The following IRAK1BP1 variants were observed in gnomAD, a reference collection of about 807,000 sequenced individuals.
The protein encoded by IRAK1BP1 is interleukin 1 receptor associated kinase 1 binding protein 1, also known as interleukin-1 receptor-associated kinase 1-binding protein 1.
IRAK1BP1 carries 24 observed loss-of-function variants against 28.0 expected under a neutral mutation model. The observed-to-expected ratio is 0.86, with a 90% confidence interval of 0.62 to 1.20. IRAK1BP1 has a LOEUF of 1.20. Ranked by LOEUF, IRAK1BP1 falls within the 50% of genes most tolerant of loss-of-function variation. The pLI is 0.00. For synonymous variants in IRAK1BP1, 131 were observed against 116.3 expected (o/e 1.13, Z -0.81); for missense variants, 336 against 316.7 (o/e 1.06, Z -0.46).
the IRAK1BP1 span, among the ~76,000 whole-genome samples, chr6:78,954,462 C>T: frequency 4.3e-3 from 656 of 152,022 alleles, 2 homozygotes; most frequent in African/African-American, 0.014. Flanking sequence ...AGGACGTAGG[C>T]ATTATTCTTT....
chr6:78,968,140 T>C, the IRAK1BP1 span, among the ~76,000 whole-genome samples: 5 of 151,940 alleles, frequency 3.3e-5, no homozygotes, highest in Admixed American at 6.6e-5. Flanking sequence ...ATCTCAAAAA[T>C]AAAATAAAAT....
At chr6:78,957,202 T>C in the IRAK1BP1 span, 2 of 152,022 alleles carry the variant, frequency 1.3e-5, no homozygotes, top group African/African-American at 2.4e-5. Context: ...TATTAACAAT[T>C]TTCATCTAAA....
chr6:78,958,327 A>G, the IRAK1BP1 span: 4 of 530,278 alleles, frequency 7.5e-6, 1 homozygote, highest in South Asian at 1.3e-4. Flanking sequence ...AGACCTTTAG[A>G]TCTTCAGTCT....
chr6:78,883,830 T>C (rs1562080356), intron 1 of IRAK1BP1, among the ~76,000 whole-genome samples: 1 of 152,176 alleles, frequency 6.6e-6, no homozygotes, highest in Non-Finnish European at 1.5e-5. Context: ...CACCTGGGCA[T>C]GTGAATCATA....
At chr6:78,959,842 T>C in the IRAK1BP1 span, among the ~76,000 whole-genome samples, 638 of 152,298 alleles carry the variant, frequency 4.2e-3, 2 homozygotes, top group Middle Eastern at 0.01. Context: ...AAACCCACTG[T>C]AAATTCAAAA....
the IRAK1BP1 span, among the ~76,000 whole-genome samples, chr6:78,974,001 G>C: frequency 6.6e-6 from 1 of 152,130 alleles, no homozygotes; most frequent in Admixed American, 6.5e-5. Context: ...CCCAGGAATT[G>C]AACTCAGCTC....
chr6:78,892,177 A>G (rs1771686712), intron 2 of IRAK1BP1, among the ~76,000 whole-genome samples: 1 of 152,070 alleles, frequency 6.6e-6, no homozygotes, highest in Non-Finnish European at 1.5e-5. Flanking sequence ...TTTCCAGGGT[A>G]AGAACCCTGT....
chr6:78,871,797 C>T (rs1326333707), intron 1 of IRAK1BP1: 1 of 354,934 alleles, frequency 2.8e-6, no homozygotes, highest in Non-Finnish European at 5.0e-6. Flanking sequence ...CTTCTTTATT[C>T]TCTTGACAGT....
intron 4 of IRAK1BP1, among the ~76,000 whole-genome samples, chr6:78,934,461 T>C (rs1329597948): frequency 6.6e-6 from 1 of 152,206 alleles, no homozygotes; most frequent in Non-Finnish European, 1.5e-5. Context: ...ACATGTACTT[T>C]TAAAGCAATT....
downstream of IRAK1BP1, among the ~76,000 whole-genome samples, chr6:78,950,408 T>G (rs1317988012): frequency 6.6e-6 from 1 of 152,194 alleles, no homozygotes; most frequent in East Asian, 1.9e-4. Flanking sequence ...CTGGAAGAGA[T>G]TGTGTAGAAT....
chr6:78,903,373 C>A (rs1344294176), downstream of IRAK1BP1, among the ~76,000 whole-genome samples: 1 of 152,010 alleles, frequency 6.6e-6, no homozygotes, highest in Non-Finnish European at 1.5e-5. Context: ...CGCCTGTAAT[C>A]CCAGCTACTC....
intron 1 of IRAK1BP1, among the ~76,000 whole-genome samples, chr6:78,879,268 G>C (rs1344733555): frequency 1.3e-5 from 2 of 152,052 alleles, no homozygotes; most frequent in Non-Finnish European, 2.9e-5. Context: ...GTTAATGGGT[G>C]CAGCACACCA....
At position 78,899,458 on chromosome 6, in the gene IRAK1BP1, T is replaced by C. The variant is rs1376633800; in HGVS notation, c.*1124T>C. 6.6e-6 allele frequency: 1 copy of C among 152,164 alleles called. No homozygotes were observed. The highest frequency in any genetic ancestry group is 1.5e-5 in the Non-Finnish European group (1 of 68,026). 9.4% of individuals were successfully genotyped at this position (152,164 alleles called of 1,614,324 possible). A position where few individuals can be genotyped will look rare whatever the true frequency, so the allele number is the denominator to read the frequency against. On this transcript the variant is annotated 3_prime_UTR_variant, in exon 4 of 4. Transcript: ENST00000369940. ...AGAATAATGAGGTATAATAGGAAAA[T>C]GTTTTGATGCCAAAAATAAAAGAGT... is the stretch of plus-strand genomic sequence containing the variant.
At chr6:78,871,281 G>T in intron 1 of IRAK1BP1, 3 of 985,256 alleles carry the variant, frequency 3.0e-6, no homozygotes, top group Non-Finnish European at 3.6e-6. Flanking sequence ...AAGTGTTTCG[G>T]TCACTCAGGA....
At position 78,885,366 on chromosome 6, in the gene IRAK1BP1, T is replaced by C. The variant is rs1321770291; in HGVS notation, c.316-12T>C. 1 of 1,526,014 alleles carries C rather than the reference T, an allele frequency of 6.6e-7. No individual in the cohort carries two copies. Among genetic ancestry groups the C allele is most frequent in the Non-Finnish European group, 9.0e-7 (1 of 1,109,576 alleles). The allele number at this position is 1,526,014 out of a possible 1,614,324, so 94.5% of individuals were successfully genotyped here. A position where few individuals can be genotyped will look rare whatever the true frequency, so the allele number is the denominator to read the frequency against. ...ATTTAGTAATCATACTCTTGGACTT[T>C]TTCTGTTTCAGGCAGAAAATATAAC... On this transcript the variant is annotated splice_polypyrimidine_tract_variant and intron_variant, in intron 1 of 3. Transcript: ENST00000369940.
the IRAK1BP1 span, among the ~76,000 whole-genome samples, chr6:78,967,909 C>T: frequency 6.6e-6 from 1 of 151,828 alleles, no homozygotes; most frequent in South Asian, 2.1e-4. Context: ...CTGAGGCGGG[C>T]GGATCACAAG....
rs147995674 is a variant in IRAK1BP1, at chr6:78,872,552, G to A, written c.315+4661G>A. Reference sequence around the variant, plus strand: ...ATTTGGGAATATTTATATTTTATATGTACCAGTGGAATATTTGTAATCTGG... The same window carrying A: ...ATTTGGGAATATTTATATTTTATATATACCAGTGGAATATTTGTAATCTGG... On this transcript the variant is annotated intron_variant, in intron 1 of 3. Coordinates refer to ENST00000369940, the MANE Select transcript of IRAK1BP1 (RefSeq NM_001010844.4). Among the ~76,000 whole-genome samples, 992 of 152,286 alleles carry A rather than the reference G, an allele frequency of 6.5e-3. 8 individuals are homozygous for A. Among genetic ancestry groups the A allele is most frequent in the Non-Finnish European group, 9.5e-3 (647 of 68,024 alleles).
chr6:78,975,184 T>C, the IRAK1BP1 span, among the ~76,000 whole-genome samples: 1 of 151,816 alleles, frequency 6.6e-6, no homozygotes, highest in Non-Finnish European at 1.5e-5. Context: ...CATGAACAAG[T>C]GGGCTTCATC....
At chr6:78,970,275 C>A in the IRAK1BP1 span, 2 of 961,928 alleles carry the variant, frequency 2.1e-6, no homozygotes, top group African/African-American at 3.3e-5. Flanking sequence ...AAATCTTGAT[C>A]TGGATGGTGA....
Sources: allele counts gnomAD v4.1 joint callset (sites outside exome capture counted in the v4.1 genomes callset), GRCh38; gene constraint gnomAD v4.1.1; transcripts MANE v1.5; gene names NCBI Gene and HGNC (gene_info 2026-07-23, HGNC 2026-07-21).